The following AP1S3 variants were observed in gnomAD, a reference collection of about 807,000 sequenced individuals.
AP1S3 encodes adaptor related protein complex 1 subunit sigma 3, also known as AP-1 complex subunit sigma-3.
A neutral mutation model predicts 20.9 loss-of-function variants in AP1S3; 10 were observed. The observed-to-expected ratio is 0.48, with a 90% CI of 0.29 to 0.81. The LOEUF (loss-of-function observed/expected upper bound fraction) is 0.81, where lower values mean the gene tolerates loss of function less well. AP1S3 is among the 30% of genes least tolerant of loss of function. The pLI, the probability that AP1S3 is intolerant of heterozygous loss-of-function variation, is 0.08. For missense variants in AP1S3, 154 were observed against 183.8 expected, an observed-to-expected ratio of 0.84 and a Z score of 0.94; for synonymous variants, 41 against 61.5, an observed-to-expected ratio of 0.67 and a Z score of 1.56.
At chr2:223,826,650 G>A (rs940567204) in intron 1 of AP1S3, among the ~76,000 whole-genome samples, 2 of 152,002 alleles carry the variant, frequency 1.3e-5, no homozygotes, top group African/African-American at 4.8e-5. Flanking sequence ...TCATAGAGAT[G>A]CTTTTTTGTT....
chr2:223,818,353 GTTGCAGTGAGCCGAGA>G (rs1371620970), intron 1 of AP1S3, among the ~76,000 whole-genome samples: 22 of 151,496 alleles, frequency 1.5e-4, no homozygotes, highest in Non-Finnish European at 3.1e-4. Flanking sequence ...GGAGGCAGAG[GTTGCAGTGAGCCGAGA>G]TCGAGCCACT....
chr2:223,762,011 C>T (rs777372359), intron 4 of AP1S3, among the ~76,000 whole-genome samples: 6 of 152,190 alleles, frequency 3.9e-5, no homozygotes, highest in Non-Finnish European at 5.9e-5. Flanking sequence ...CTCACTCTGC[C>T]GCCCAGGCTA....
At chr2:223,833,285 A>ATAC (rs1692321138) in intron 1 of AP1S3, among the ~76,000 whole-genome samples, 7 of 112,070 alleles carry the variant, frequency 6.2e-5, no homozygotes, top group African/African-American at 2.7e-4. Flanking sequence ...TACATACATA[A>ATAC]ACAACATAAT....
At chr2:223,833,214 T>C (rs1349135917) in intron 1 of AP1S3, among the ~76,000 whole-genome samples, 1 of 151,210 alleles carries the variant, frequency 6.6e-6, no homozygotes, top group East Asian at 1.9e-4. Flanking sequence ...ACTGTATACA[T>C]CCCCACAGCT....
intron 1 of AP1S3, among the ~76,000 whole-genome samples, chr2:223,815,891 C>G (rs1467795382): frequency 6.6e-6 from 1 of 152,190 alleles, no homozygotes; most frequent in Non-Finnish European, 1.5e-5. Context: ...AGGAAGACAG[C>G]TTGAGCCCAG....
chr2:223,832,934 C>T (rs927095463), intron 1 of AP1S3, among the ~76,000 whole-genome samples: 5 of 124,398 alleles, frequency 4.0e-5, no homozygotes, highest in Non-Finnish European at 8.9e-5. Context: ...AAATCGTACA[C>T]CCAAAAAAAA....
At chr2:223,790,694 A>T (rs758739430) in intron 1 of AP1S3, among the ~76,000 whole-genome samples, 1 of 152,124 alleles carries the variant, frequency 6.6e-6, no homozygotes, top group African/African-American at 2.4e-5. Flanking sequence ...TTACACACAT[A>T]TGTTATAAAG....
At chr2:223,759,199 G>C (rs1690293786) in intron 4 of AP1S3, among the ~76,000 whole-genome samples, 1 of 151,988 alleles carries the variant, frequency 6.6e-6, no homozygotes, top group Non-Finnish European at 1.5e-5. Flanking sequence ...AGAATTGCTT[G>C]AACCGGGAGG....
chr2:223,814,832 A>T (rs1691808751), intron 1 of AP1S3, among the ~76,000 whole-genome samples: 1 of 152,198 alleles, frequency 6.6e-6, no homozygotes, highest in South Asian at 2.1e-4. Flanking sequence ...GCTGGTGTAC[A>T]ATGGCACGAT....
At chr2:223,803,109 A>C (rs1416129405) in intron 1 of AP1S3, among the ~76,000 whole-genome samples, 1 of 152,214 alleles carries the variant, frequency 6.6e-6, no homozygotes, top group Non-Finnish European at 1.5e-5. Context: ...GTAAACAAAC[A>C]TAAATATATC....
In AP1S3 at chr2:223,837,529, C is replaced by A; in HGVS notation, c.-79G>T. ...GAGGGCGAGAGGCGAGCGCTGGAGC[C>A]GGTGCGGCTGACAGGTGAGGCGCCC... On this transcript the variant is annotated 5_prime_UTR_variant, in exon 1 of 5. Coordinates refer to ENST00000396654, the MANE Select transcript of AP1S3 (RefSeq NM_001039569.2). The A allele has an allele frequency of 9.6e-7, 1 of 1,037,222 alleles. No homozygotes were observed. Among genetic ancestry groups the A allele is most frequent in the Non-Finnish European group, 1.2e-6 (1 of 804,244 alleles). The allele number at this position is 1,037,222 out of a possible 1,614,324, so 64.3% of individuals were successfully genotyped here. A position where few individuals can be genotyped will look rare whatever the true frequency, so the allele number is the denominator to read the frequency against.
chr2:223,834,589 AAAATAAAT>A (rs1185121810), intron 1 of AP1S3, among the ~76,000 whole-genome samples: 1 of 151,876 alleles, frequency 6.6e-6, no homozygotes, highest in Non-Finnish European at 1.5e-5. Context: ...GCCTTGTCTC[AAAATAAAT>A]AAATAAATAA....
chr2:223,781,884 C>A (rs1202333365), intron 1 of AP1S3, among the ~76,000 whole-genome samples: 1 of 152,092 alleles, frequency 6.6e-6, no homozygotes, highest in Non-Finnish European at 1.5e-5. Flanking sequence ...CTCCACCTAA[C>A]CTAAATCTCT....
chr2:223,757,799 T>C lies in AP1S3; in HGVS notation c.*916A>G. The C allele has an allele frequency of 1.0e-6, 1 of 985,354 alleles. No homozygotes were observed. The highest frequency in any genetic ancestry group is 4.7e-5 in the South Asian group (1 of 21,290). 61.0% of individuals were successfully genotyped at this position (985,354 alleles called of 1,614,324 possible). ...TCTTAAATGCTCTAAGTAAGCCATG[T>C]AATAAGTCTTCAAATGCATTAGAGA... On this transcript the variant is annotated 3_prime_UTR_variant, in exon 5 of 5. Transcript: ENST00000396654.
chr2:223,783,848 T>C (rs72966386), intron 1 of AP1S3, among the ~76,000 whole-genome samples: 10,877 of 152,298 alleles, frequency 0.071, 714 homozygotes, highest in East Asian at 0.25. Context: ...AGGCTGTGAT[T>C]GGCCCATGGT....
At chr2:223,787,183 C>T (rs562826980) in intron 1 of AP1S3, among the ~76,000 whole-genome samples, 15 of 152,320 alleles carry the variant, frequency 9.8e-5, no homozygotes, top group Admixed American at 2.0e-4. Context: ...GCTTCCCCTT[C>T]GCCTTCAACC....
intron 1 of AP1S3, among the ~76,000 whole-genome samples, chr2:223,779,574 T>TA (rs1690873511): frequency 6.6e-6 from 1 of 152,164 alleles, no homozygotes. Flanking sequence ...GTTTTGTTTT[T>TA]AAAAAATAAA....
chr2:223,800,216 A>G (rs55789179), intron 1 of AP1S3, among the ~76,000 whole-genome samples: 992 of 86,754 alleles, frequency 0.011, 14 homozygotes, highest in African/African-American at 0.04. Context: ...TTGCGTCTAA[A>G]AAAAAAAAAA....
chr2:223,820,062 T>C (rs1691951332), intron 1 of AP1S3, among the ~76,000 whole-genome samples: 1 of 152,230 alleles, frequency 6.6e-6, no homozygotes, highest in Non-Finnish European at 1.5e-5. Context: ...TTTGCTAAAC[T>C]AATTGCTCCA....
Sources: gnomAD v4.1 joint callset for allele counts (sites outside exome capture counted in the v4.1 genomes callset) on GRCh38, gnomAD v4.1.1 for gene constraint, MANE v1.5 for transcripts, NCBI Gene and HGNC (gene_info 2026-07-23, HGNC 2026-07-21) for gene names.